SNX29: variants seen among roughly 807,000 people sequenced by gnomAD.
SNX29 encodes the protein sorting nexin 29, also known as sorting nexin-29.
SNX29 carries 78 observed loss-of-function variants against 102.1 expected under a neutral mutation model. The observed-to-expected ratio is 0.76, with a 90% CI of 0.64 to 0.92. SNX29 has a LOEUF of 0.92. Ranked by LOEUF, SNX29 falls within the 40% of genes least tolerant of loss-of-function variation. SNX29 has a pLI of 0.00. For synonymous variants in SNX29, 580 were observed against 414.5 expected (o/e 1.40, Z -4.85); for missense variants, 1,280 against 1,061.7 (o/e 1.21, Z -2.86).
intron 17 of SNX29, among the ~76,000 whole-genome samples, chr16:12,401,609 C>T (rs921811943): frequency 2.6e-5 from 4 of 152,240 alleles, no homozygotes; most frequent in East Asian, 3.9e-4. Context: ...GATGATCCAC[C>T]TTCCTCAGCC....
chr16:12,572,827 A>C lies in SNX29; in HGVS notation c.*4198A>C. On this transcript the variant is annotated 3_prime_UTR_variant, in exon 21 of 21. Coordinates refer to ENST00000566228, the MANE Select transcript of SNX29 (RefSeq NM_032167.5). ...TCAGACTGGTTAGGAGGCATCCCAGAAGGGGCAGCCTCATGCCCAGGTTTC... is the reference window on the plus strand; with the variant it reads ...TCAGACTGGTTAGGAGGCATCCCAGCAGGGGCAGCCTCATGCCCAGGTTTC... The C allele has an allele frequency of 1.9e-6, 2 of 1,063,952 alleles. No homozygotes were observed. Among genetic ancestry groups the C allele is most frequent in the Non-Finnish European group, 2.3e-6 (2 of 878,406 alleles). The allele number at this position is 1,063,952 out of a possible 1,614,324, so 65.9% of individuals were successfully genotyped here.
chr16:12,351,174 G>A (rs1202352114), intron 15 of SNX29, among the ~76,000 whole-genome samples: 1 of 151,946 alleles, frequency 6.6e-6, no homozygotes, highest in Non-Finnish European at 1.5e-5. Flanking sequence ...ACATGAGCTG[G>A]TGCACCTAAT....
Position 12,061,585 on chromosome 16 carries a change from G to C in SNX29, c.1182G>C (p.Val394=). ...TGCACAGCTGGGCTCCGCTGAAGGT[G>C]CTGCACAATGACTCCGACATCCTCT... ...SQMHSWAPLK[V]LHNDSDILFP... The change falls in exon 9 of 21, where the codon GTG becomes GTC. Residue 394 remains valine (V), a synonymous_variant. Coordinates refer to ENST00000566228, the MANE Select transcript of SNX29 (RefSeq NM_032167.5). 2 of 1,611,910 alleles carry C rather than the reference G, an allele frequency of 1.2e-6. No homozygotes were observed. Among genetic ancestry groups the C allele is most frequent in the Non-Finnish European group, 1.7e-6 (2 of 1,179,280 alleles).
intron 20 of SNX29, among the ~76,000 whole-genome samples, chr16:12,538,303 G>A (rs144140361): frequency 0.011 from 1,667 of 152,164 alleles, 26 homozygotes; most frequent in Non-Finnish European, 0.013. Flanking sequence ...TTGTTTTTTA[G>A]TAGAGAGGGG....
rs181437918 is a variant in SNX29, at chr16:12,404,385, C to G, written c.2037+856C>G. On this transcript the variant is annotated intron_variant, in intron 18 of 20. Transcript: ENST00000566228. ...AAGCCTCTTTTAGCCCTGCCCACAGCTCGTCTGCATGTCTGTCTTCCTTCT... is the reference window on the plus strand; with the variant it reads ...AAGCCTCTTTTAGCCCTGCCCACAGGTCGTCTGCATGTCTGTCTTCCTTCT... Among the ~76,000 whole-genome samples, 224 of 152,234 alleles carry G rather than the reference C, an allele frequency of 1.5e-3. 9 individuals are homozygous for G. The East Asian group carries it at 0.038, about 26-fold the overall frequency.
intron 13 of SNX29, among the ~76,000 whole-genome samples, chr16:12,164,846 C>T (rs532774338): frequency 5.3e-5 from 8 of 152,088 alleles, no homozygotes; most frequent in African/African-American, 1.7e-4. Context: ...CACCACCATG[C>T]CCAGCTAATT....
At chr16:12,134,852 T>G (rs150098430) in intron 13 of SNX29, among the ~76,000 whole-genome samples, 1 of 152,170 alleles carries the variant, frequency 6.6e-6, no homozygotes, top group Non-Finnish European at 1.5e-5. Flanking sequence ...ATAGGATGTA[T>G]GTATATCTCT....
At chr16:12,458,941 A>AT (rs1346874628) in intron 18 of SNX29, among the ~76,000 whole-genome samples, 1 of 152,074 alleles carries the variant, frequency 6.6e-6, no homozygotes, top group African/African-American at 2.4e-5. Flanking sequence ...AAACAAAACA[A>AT]TTTTTTGCCT....
intron 18 of SNX29, among the ~76,000 whole-genome samples, chr16:12,422,360 C>T (rs1597326198): frequency 6.6e-6 from 1 of 152,296 alleles, no homozygotes; most frequent in Middle Eastern, 3.4e-3. Flanking sequence ...TTCCTGTTAC[C>T]ACAGCCCTTG....
chr16:12,001,428 CATTATT>C (rs111923604), intron 2 of SNX29, among the ~76,000 whole-genome samples: 1,635 of 151,720 alleles, frequency 0.011, 33 homozygotes, highest in African/African-American at 0.037. Flanking sequence ...TTATTATTAT[CATTATT>C]ATTATTATTG....
chr16:12,482,178 C>T lies in SNX29; in HGVS notation c.2178+4319C>T, dbSNP rs998529950. ...AATCTTTTCTTTGATTGGGTTACTT[C>T]AAGGATAACTCACTTGTCCGCCTGG... On this transcript the variant is annotated intron_variant, in intron 19 of 20. Transcript: ENST00000566228. Among the ~76,000 whole-genome samples, 3 of 152,354 alleles carry T rather than the reference C, an allele frequency of 2.0e-5. No individual in the cohort carries two copies. The South Asian group carries it at 6.2e-4, about 32-fold the overall frequency.
chr16:12,234,566 A>G lies in SNX29; in HGVS notation c.1678+34883A>G, dbSNP rs117507903. 5.1e-3 allele frequency among the ~76,000 whole-genome samples: 780 copies of G among 151,766 alleles called. 4 individuals carry two copies. The highest frequency in any genetic ancestry group is 0.017 in the Middle Eastern group (5 of 294). ...TGAGGCATACCTGTTTTTAATTCTG[A>G]TGAAGTTGAATTCATCTATTTTTTC... On this transcript the variant is annotated intron_variant, in intron 14 of 20. Coordinates refer to ENST00000566228, the MANE Select transcript of SNX29 (RefSeq NM_032167.5).
chr16:12,013,501 ATATATATATATATATATATATATATAT>A (rs1191072923), intron 3 of SNX29, among the ~76,000 whole-genome samples: 3 of 40,916 alleles, frequency 7.3e-5, no homozygotes, highest in African/African-American at 2.7e-4. Flanking sequence ...AAAAAAAAAA[ATATATATATATATATATATATATATAT>A]ATATATATAT....
intron 20 of SNX29, among the ~76,000 whole-genome samples, chr16:12,557,026 G>A (rs28625578): frequency 0.17 from 1,890 of 11,266 alleles, 96 homozygotes; most frequent in African/African-American, 0.37. Flanking sequence ...CCCCCCCCCC[G>A]CCCCAAGATG....
chr16:12,538,652 C>T (rs1037110245), intron 20 of SNX29, among the ~76,000 whole-genome samples: 2 of 152,238 alleles, frequency 1.3e-5, no homozygotes, highest in Middle Eastern at 3.4e-3. Flanking sequence ...GGCTGTGAAA[C>T]AGAAAGATCC....
intron 9 of SNX29, among the ~76,000 whole-genome samples, chr16:12,064,302 C>T (rs1002120187): frequency 6.6e-6 from 1 of 152,274 alleles, no homozygotes; most frequent in South Asian, 2.1e-4. Context: ...TCTTAGAGAA[C>T]CCAGAGCTCT....
At position 12,042,961 on chromosome 16, in the gene SNX29, C is replaced by T; in HGVS notation, c.312C>T (p.Ser104=). Residue 104 remains serine, a synonymous_variant, in exon 5 of 21, where the codon TCC becomes TCT. Coordinates refer to ENST00000566228, the MANE Select transcript of SNX29 (RefSeq NM_032167.5). ...AGCACGAGCTGCAGCGCTTCTACTC[C>T]CTGCGCCACATCGCCTCAGACGTGG... ...LNKHELQRFY[S]LRHIASDVGR... 1 of 1,613,906 alleles carries T rather than the reference C, an allele frequency of 6.2e-7. No homozygotes were observed. Among genetic ancestry groups the T allele is most frequent in the Non-Finnish European group, 8.5e-7 (1 of 1,179,854 alleles).
chr16:12,042,120 T>G (rs2049903273), intron 4 of SNX29, among the ~76,000 whole-genome samples: 1 of 152,156 alleles, frequency 6.6e-6, no homozygotes, highest in Non-Finnish European at 1.5e-5. Context: ...AACCTCCGCC[T>G]CCTGGGTTTA....
chr16:12,177,215 G>C (rs1417433937), intron 13 of SNX29, among the ~76,000 whole-genome samples: 3 of 152,154 alleles, frequency 2.0e-5, no homozygotes, highest in Non-Finnish European at 4.4e-5. Flanking sequence ...GCCTCCCAAA[G>C]TGCTGGGATT....
Sources: allele counts gnomAD v4.1 joint callset (sites outside exome capture counted in the v4.1 genomes callset), GRCh38; gene constraint gnomAD v4.1.1; transcripts MANE v1.5; gene names NCBI Gene and HGNC (gene_info 2026-07-23, HGNC 2026-07-21).